The following RGS22 variants were observed in gnomAD, a reference collection of about 807,000 sequenced individuals.
RGS22 encodes regulator of G-protein signaling 22.
In RGS22, 148 loss-of-function variants were observed where a neutral mutation model predicts 172.9. That is an observed-to-expected ratio of 0.86 (90% CI 0.75 to 0.98). RGS22 has a LOEUF of 0.98. RGS22 is among the 50% of genes least tolerant of loss of function. RGS22 has a pLI of 0.00. For missense variants in RGS22, 1,347 were observed against 1,440.8 expected (o/e 0.93, Z 1.05); for synonymous variants, 458 against 480.2 (o/e 0.95, Z 0.60).
chr8:99,967,310 C>T (rs1451859701), intron 23 of RGS22, among the ~76,000 whole-genome samples: 3 of 152,098 alleles, frequency 2.0e-5, no homozygotes, highest in East Asian at 1.9e-4. Context: ...TTTGGGCAGA[C>T]ACCGAGCTAG....
chr8:99,989,214 G>C (rs1394441351), intron 20 of RGS22, among the ~76,000 whole-genome samples: 7 of 152,060 alleles, frequency 4.6e-5, no homozygotes, highest in African/African-American at 1.7e-4. Context: ...AGTTAGCAGA[G>C]GGTCACCTAG....
At chr8:100,101,443 A>ATTT (rs57644659) in intron 2 of RGS22, among the ~76,000 whole-genome samples, 23 of 116,750 alleles carry the variant, frequency 2.0e-4, no homozygotes, top group African/African-American at 7.7e-4. Flanking sequence ...TGCCCAGCTA[A>ATTT]TTTTTTTTTT....
chr8:100,070,027 CA>C (rs777398611), intron 6 of RGS22, among the ~76,000 whole-genome samples: 12 of 39,876 alleles, frequency 3.0e-4, no homozygotes, highest in Middle Eastern at 0.014. Flanking sequence ...GACTCTGTCT[CA>C]AAAAAAAAAA....
intron 14 of RGS22, among the ~76,000 whole-genome samples, chr8:100,025,029 T>C: frequency 6.6e-6 from 1 of 151,484 alleles, no homozygotes; most frequent in East Asian, 1.9e-4. Flanking sequence ...AATAAATAAA[T>C]AAATAAATGA....
At position 100,071,446 on chromosome 8, in the gene RGS22, G is replaced by T. The variant is rs906294316; in HGVS notation, c.517C>A (p.Pro173Thr). ...SNFSPWIVKK[P>T]PSLPPPATEE... Reference sequence around the variant, plus strand: ...GTGGCAGGAGGTGGTAGACTGGGTGGTTTTTTCACGATCCAGGGAGAAAAA... The same window carrying T: ...GTGGCAGGAGGTGGTAGACTGGGTGTTTTTTTCACGATCCAGGGAGAAAAA... Residue 173 changes from proline to threonine, a missense_variant, in exon 6 of 28, where the codon CCA (proline) becomes ACA (threonine). Transcript: ENST00000360863. 1 of 1,613,334 alleles carries T rather than the reference G, an allele frequency of 6.2e-7. No individual in the cohort carries two copies. Among genetic ancestry groups the T allele is most frequent in the Non-Finnish European group, 8.5e-7 (1 of 1,179,552 alleles).
At chr8:100,073,189 T>C (rs960531449) in intron 4 of RGS22, among the ~76,000 whole-genome samples, 8 of 152,190 alleles carry the variant, frequency 5.3e-5, no homozygotes, top group Non-Finnish European at 1.0e-4. Context: ...TTTGCATTTA[T>C]GTGGCTTCCA....
chr8:100,031,811 T>C (rs1434631114), intron 14 of RGS22, among the ~76,000 whole-genome samples: 1 of 151,892 alleles, frequency 6.6e-6, no homozygotes, highest in Non-Finnish European at 1.5e-5. Context: ...AAAAAAACTG[T>C]AGAACTCTCG....
At chr8:100,012,485 G>A (rs1443617212) in intron 14 of RGS22, among the ~76,000 whole-genome samples, 1 of 152,074 alleles carries the variant, frequency 6.6e-6, no homozygotes, top group Non-Finnish European at 1.5e-5. Context: ...GGGAGGCCAA[G>A]GTGGGAGAAT....
At chr8:100,024,684 TAAG>T (rs1278401746) in intron 14 of RGS22, among the ~76,000 whole-genome samples, 2 of 152,120 alleles carry the variant, frequency 1.3e-5, no homozygotes, top group African/African-American at 4.8e-5. Flanking sequence ...GAGATAATAA[TAAG>T]AAAGCAATGG....
At chr8:100,072,252 G>T (rs760135536) in intron 4 of RGS22, 22 bp from the exon 5 acceptor site, 2 of 1,459,214 alleles carry the variant, frequency 1.4e-6, no homozygotes, top group Non-Finnish European at 1.9e-6. Flanking sequence ...AAGAGAAAAA[G>T]AAAAAGAAGG....
chr8:100,087,473 G>C (rs1812248637), intron 3 of RGS22, among the ~76,000 whole-genome samples: 1 of 152,094 alleles, frequency 6.6e-6, no homozygotes, highest in Non-Finnish European at 1.5e-5. Flanking sequence ...TTTTACCAGA[G>C]TAAATTGCTG....
At chr8:99,983,455 C>T (rs1172458622) in intron 21 of RGS22, among the ~76,000 whole-genome samples, 1 of 152,090 alleles carries the variant, frequency 6.6e-6, no homozygotes, top group Non-Finnish European at 1.5e-5. Context: ...TCTGCAGCCT[C>T]ACCAAGCAGC....
chr8:100,000,264 A>G (rs1348475538), intron 18 of RGS22, among the ~76,000 whole-genome samples: 2 of 152,302 alleles, frequency 1.3e-5, no homozygotes, highest in Middle Eastern at 3.4e-3. Context: ...TAATGTTAAT[A>G]TAATACCACT....
chr8:99,962,696 T>A lies in RGS22; in HGVS notation c.3781A>T (p.Ser1261Cys). 3.7e-6 allele frequency: 6 copies of A among 1,606,540 alleles called. No homozygotes were observed. The highest frequency in any genetic ancestry group is 5.1e-6 in the Non-Finnish European group (6 of 1,178,032). The change falls in exon 26 of 28, where the codon AGC becomes TGC. Residue 1261 changes from serine to cysteine, a missense_variant. Physicochemically the swap from Ser to Cys is moderately radical, Grantham distance 112. Transcript: ENST00000360863. ...MSLKKNMSAH[S>C]SQK ...TACACTGGAAACTCACTCTGGCTGC[T>A]GTGGGCAGACATATTCTTTTTCAAA...
rs1815400567 is a variant in RGS22 at position 100,004,047 on chromosome 8, T to C, written c.2506A>G (p.Lys836Glu). 5.6e-6 allele frequency: 9 copies of C among 1,611,336 alleles called. No homozygotes were observed. Among genetic ancestry groups the C allele is most frequent in the Non-Finnish European group, 7.6e-6 (9 of 1,178,518 alleles). Residue 836 changes from lysine (K) to glutamate (E), a missense_variant, in exon 17 of 28, where the codon AAA (lysine) becomes GAA (glutamate). By Grantham distance (56) the Lys-to-Glu change is moderately conservative. Transcript: ENST00000360863. ...TGILSLSNVS[K>E]RTEYWDNVPA... Reference sequence around the variant, plus strand: ...ACATTATCCCAATATTCTGTTCGTTTAGAGACGTTAGAGAGTGATAAAATG... The same window carrying C: ...ACATTATCCCAATATTCTGTTCGTTCAGAGACGTTAGAGAGTGATAAAATG...
rs185834295 is a variant in RGS22, at chr8:100,086,978, T to C, written c.117+6469A>G. 5.3e-4 allele frequency among the ~76,000 whole-genome samples: 80 copies of C among 152,260 alleles called. 1 individual carries two copies. The highest frequency in any genetic ancestry group is 5.1e-3 in the Admixed American group (78 of 15,292). On this transcript the variant is annotated intron_variant, in intron 3 of 27. Coordinates refer to ENST00000360863, the MANE Select transcript of RGS22 (RefSeq NM_015668.5). ...CTCTCATGGGTATTCATATATGAGG[T>C]GGTGCCAGCCGTCTGTGTTTGATAC...
intron 18 of RGS22, among the ~76,000 whole-genome samples, chr8:99,999,709 A>AT (rs1355698243): frequency 2.6e-5 from 4 of 152,106 alleles, no homozygotes; most frequent in Non-Finnish European, 5.9e-5. Context: ...CAGCAATGGC[A>AT]TTTTTTTCCC....
intron 20 of RGS22, among the ~76,000 whole-genome samples, chr8:99,995,047 A>G (rs1814205531): frequency 6.6e-6 from 1 of 152,350 alleles, no homozygotes; most frequent in South Asian, 2.1e-4. Flanking sequence ...TGGTGCTGGG[A>G]AAACTGGCTA....
chr8:100,049,773 C>T (rs144723285), intron 10 of RGS22, among the ~76,000 whole-genome samples: 5 of 152,230 alleles, frequency 3.3e-5, no homozygotes, highest in African/African-American at 7.2e-5. Flanking sequence ...TGAGGTTAGG[C>T]GTGGTGGCTC....
Sources: allele counts gnomAD v4.1 joint callset (sites outside exome capture counted in the v4.1 genomes callset), GRCh38; gene constraint gnomAD v4.1.1; transcripts MANE v1.5; gene names NCBI Gene and HGNC (gene_info 2026-07-23, HGNC 2026-07-21).